The following MYO16 variants were observed in gnomAD, a reference collection of about 807,000 sequenced individuals.
MYO16 encodes myosin XVI.
MYO16 carries 94 observed loss-of-function variants against 205.3 expected under a neutral mutation model. That is an observed-to-expected ratio of 0.46 (90% CI 0.39 to 0.54). The LOEUF (loss-of-function observed/expected upper bound fraction) is 0.54. Ranked by LOEUF, MYO16 falls within the 20% of genes least tolerant of loss-of-function variation. The pLI is 0.00. For missense variants in MYO16, 2,315 were observed against 2,387.5 expected (o/e 0.97, Z 0.63); for synonymous variants, 988 against 954.0 (o/e 1.04, Z -0.66).
chr13:108,819,951 C>T (rs1432979450), intron 7 of MYO16, among the ~76,000 whole-genome samples: 1 of 152,110 alleles, frequency 6.6e-6, no homozygotes, highest in African/African-American at 2.4e-5. Flanking sequence ...TTGTATTTTG[C>T]CTTTCACGTT....
At chr13:109,007,933 T>C (rs1885455279) in intron 21 of MYO16, among the ~76,000 whole-genome samples, 1 of 152,210 alleles carries the variant, frequency 6.6e-6, no homozygotes, top group Non-Finnish European at 1.5e-5. Flanking sequence ...TTCTCTTTTC[T>C]CTGGGATCTC....
intron 3 of MYO16, among the ~76,000 whole-genome samples, chr13:108,725,235 T>G (rs913140860): frequency 6.6e-6 from 1 of 152,238 alleles, no homozygotes; most frequent in African/African-American, 2.4e-5. Flanking sequence ...TTTTAACACC[T>G]GATTTGCTCA....
intron 25 of MYO16, 113 bp downstream of exon 25, chr13:109,052,588 T>C: frequency 2.5e-6 from 2 of 794,042 alleles, no homozygotes; most frequent in Non-Finnish European, 3.9e-6. Context: ...GATATTCTAA[T>C]AGAAAGTATT....
chr13:108,553,074 A>G, the MYO16 span, among the ~76,000 whole-genome samples: 46 of 117,520 alleles, frequency 3.9e-4, no homozygotes, highest in Middle Eastern at 7.8e-3. Flanking sequence ...GCTGGAGTGC[A>G]GTGGCCCAAT....
chr13:109,180,260 G>C (rs890604622), intron 34 of MYO16, among the ~76,000 whole-genome samples: 1 of 152,076 alleles, frequency 6.6e-6, no homozygotes, highest in African/African-American at 2.4e-5. Flanking sequence ...AAGAAAAAAA[G>C]AACCCATTTG....
chr13:109,112,371 T>C (rs757741770), intron 28 of MYO16, among the ~76,000 whole-genome samples: 8 of 152,236 alleles, frequency 5.3e-5, no homozygotes, highest in Non-Finnish European at 1.0e-4. Flanking sequence ...ACTGGAAATA[T>C]GAAACTCAGC....
intron 1 of MYO16, among the ~76,000 whole-genome samples, chr13:108,657,066 C>G: frequency 6.6e-6 from 1 of 152,214 alleles, no homozygotes; most frequent in East Asian, 1.9e-4. Context: ...TGTTGAATAT[C>G]ATCTTGAACG....
At chr13:109,181,825 T>A (rs888943639) in intron 34 of MYO16, among the ~76,000 whole-genome samples, 98 of 150,680 alleles carry the variant, frequency 6.5e-4, no homozygotes, top group African/African-American at 2.4e-3. Flanking sequence ...TATTTTATTT[T>A]ATTTTTTTTT....
chr13:108,783,979 A>T (rs1031518882), intron 4 of MYO16, among the ~76,000 whole-genome samples: 2 of 152,188 alleles, frequency 1.3e-5, no homozygotes, highest in Non-Finnish European at 1.5e-5. Context: ...TGTTCTACAG[A>T]CAATAGTGAT....
intron 9 of MYO16, among the ~76,000 whole-genome samples, chr13:108,834,174 C>A (rs1053975968): frequency 1.3e-5 from 2 of 152,096 alleles, no homozygotes; most frequent in Non-Finnish European, 2.9e-5. Context: ...TTCTACTGAA[C>A]AAAAAGTAGG....
the MYO16 span, among the ~76,000 whole-genome samples, chr13:108,560,274 C>T: frequency 5.1e-4 from 78 of 152,266 alleles, no homozygotes; most frequent in African/African-American, 9.4e-4. Flanking sequence ...GCTTCGCTGG[C>T]GTGTTACCAT....
chr13:108,736,717 T>A (rs1884714998), intron 4 of MYO16, among the ~76,000 whole-genome samples: 1 of 152,212 alleles, frequency 6.6e-6, no homozygotes, highest in African/African-American at 2.4e-5. Flanking sequence ...GCATTGAATC[T>A]ATAAATTACC....
At chr13:108,673,972 C>A (rs898579866) in intron 2 of MYO16, among the ~76,000 whole-genome samples, 1 of 152,118 alleles carries the variant, frequency 6.6e-6, no homozygotes, top group South Asian at 2.1e-4. Flanking sequence ...ATGGCTTTAC[C>A]TCTTCTGAAT....
At chr13:108,914,428 G>A (rs1039125378) in intron 16 of MYO16, among the ~76,000 whole-genome samples, 8 of 151,930 alleles carry the variant, frequency 5.3e-5, no homozygotes, top group Non-Finnish European at 1.0e-4. Flanking sequence ...GTAGCTTTTA[G>A]TGGAATTTGG....
At position 108,964,866 on chromosome 13, in the gene MYO16, T is replaced by C. The variant is rs1204943659; in HGVS notation, c.2333T>C (p.Met778Thr). The change falls in exon 20 of 35, where the codon ATG (methionine) becomes ACG (threonine). Residue 778 changes from methionine to threonine, a missense_variant. Met to Thr is a moderately conservative substitution (Grantham distance 81). Coordinates refer to ENST00000457511, the MANE Select transcript of MYO16 (RefSeq NM_001198950.3). ...SRLFSFLVNT[M>T]NSCLHSQDEQ... ...TTGTTTAGCTTTTTGGTGAATACCA[T>C]GAATTCTTGCCTCCACAGTCAAGAT... The C allele has an allele frequency of 1.3e-6, 2 of 1,520,732 alleles. No individual in the cohort carries two copies. The highest frequency in any genetic ancestry group is 1.8e-6 in the Non-Finnish European group (2 of 1,112,924). The allele number at this position is 1,520,732 out of a possible 1,614,324, so 94.2% of individuals were successfully genotyped here.
intron 20 of MYO16, among the ~76,000 whole-genome samples, chr13:108,973,529 A>G (rs1321616703): frequency 6.6e-6 from 1 of 152,162 alleles, no homozygotes; most frequent in Non-Finnish European, 1.5e-5. Context: ...CTAGAGATCC[A>G]GATTTTCATC....
At chr13:108,706,278 A>G (rs1926525) in intron 2 of MYO16, among the ~76,000 whole-genome samples, 114,945 of 152,128 alleles carry the variant, frequency 0.76, 43,670 homozygotes, top group East Asian at 0.98. Flanking sequence ...GCTGAAAAGG[A>G]TTTCATATTG....
chr13:108,765,825 C>T (rs952481628), intron 4 of MYO16, among the ~76,000 whole-genome samples: 29 of 152,128 alleles, frequency 1.9e-4, no homozygotes, highest in African/African-American at 6.3e-4. Flanking sequence ...CGTGTGGCAG[C>T]GTGTTCTACA....
chr13:109,052,215 G>T, intron 24 of MYO16, 85 bp from the exon 25 acceptor site: 1 of 1,195,280 alleles, frequency 8.4e-7, no homozygotes. Context: ...TGTATCAGTG[G>T]CTAGAGCTCT....
Sources: allele counts gnomAD v4.1 joint callset (sites outside exome capture counted in the v4.1 genomes callset), GRCh38; gene constraint gnomAD v4.1.1; transcripts MANE v1.5; gene names NCBI Gene and HGNC (gene_info 2026-07-23, HGNC 2026-07-21).